Variants in DECR1 observed in about 807,000 individuals in gnomAD.
The protein encoded by DECR1 is 2,4-dienoyl-CoA reductase 1, also known as 2,4-dienoyl-CoA reductase [(3E)-enoyl-CoA-producing], mitochondrial.
In DECR1, 44 loss-of-function variants were observed where a neutral mutation model predicts 38.8. The observed-to-expected ratio is 1.13, with a 90% CI of 0.89 to 1.46. The LOEUF is 1.46. DECR1 is among the 40% of genes most tolerant of loss of function. The probability of loss-of-function intolerance (pLI) is 0.00; values close to 1 mark genes in which losing one functional copy is unlikely to be tolerated. For synonymous variants in DECR1, 148 were observed against 135.2 expected (o/e 1.09, Z -0.66); for missense variants, 428 against 405.5 (o/e 1.06, Z -0.48).
intron 8 of DECR1, among the ~76,000 whole-genome samples, chr8:90,047,454 T>C (rs1813941154): frequency 6.6e-6 from 1 of 152,048 alleles, no homozygotes. Flanking sequence ...TACATATTGG[T>C]AAAGGGATCA....
At chr8:90,032,600 C>T (rs187561250) in intron 5 of DECR1, among the ~76,000 whole-genome samples, 1 of 152,204 alleles carries the variant, frequency 6.6e-6, no homozygotes, top group Non-Finnish European at 1.5e-5. Flanking sequence ...CCATTCTGCC[C>T]ACATATATTT....
chr8:90,041,531 A>T (rs1813763584), intron 6 of DECR1, among the ~76,000 whole-genome samples: 2 of 152,114 alleles, frequency 1.3e-5, no homozygotes, highest in South Asian at 4.1e-4. Flanking sequence ...TATCTATTGC[A>T]AGGATACAGT....
At position 90,042,585 on chromosome 8, in the gene DECR1, G is replaced by C. The variant is rs1813787881; in HGVS notation, c.666-143G>C. 1.3e-5 allele frequency: 9 copies of C among 685,878 alleles called. No homozygotes were observed. The East Asian group carries it at 2.4e-4, about 18-fold the overall frequency. The allele number at this position is 685,878 out of a possible 1,614,324, so 42.5% of individuals were successfully genotyped here. On this transcript the variant is annotated intron_variant, in intron 6 of 9. Coordinates refer to ENST00000220764, the MANE Select transcript of DECR1 (RefSeq NM_001359.2). ...TCTCTGTGCCTTAGTTACATTATCT[G>C]TAATATAGGGAACAATAATAGTACC...
At chr8:90,047,062 C>T (rs1209297239) in intron 8 of DECR1, among the ~76,000 whole-genome samples, 1 of 152,132 alleles carries the variant, frequency 6.6e-6, no homozygotes, top group African/African-American at 2.4e-5. Context: ...CAACCGGTAC[C>T]AGCCACTGCA....
intron 3 of DECR1, 57 bp downstream of exon 3, chr8:90,019,023 AT>A: frequency 4.4e-6 from 7 of 1,584,468 alleles, no homozygotes; most frequent in Non-Finnish European, 6.1e-6. Flanking sequence ...TGTTCAAATA[AT>A]TTGTTCATGC....
intron 6 of DECR1, among the ~76,000 whole-genome samples, chr8:90,041,237 T>G (rs999230678): frequency 7.9e-5 from 12 of 152,250 alleles, no homozygotes; most frequent in Non-Finnish European, 7.3e-5. Context: ...ATGAGCTTTT[T>G]TTTTCATAGT....
rs760492974 is a variant in DECR1, at chr8:90,045,026, T to A, written c.885+31T>A. On this transcript the variant is annotated intron_variant, in intron 8 of 9. Coordinates refer to ENST00000220764, the MANE Select transcript of DECR1 (RefSeq NM_001359.2). ...CGTTGTTTATTTCTCTTCACTTTTT[T>A]TTCAGGAGTGTGTTTGGGGCAGGGA... The A allele has an allele frequency of 3.1e-6, 5 of 1,613,190 alleles. No homozygotes were observed. In the African/African-American group the frequency reaches 5.3e-5, roughly 17 times the overall value.
rs375581798 is a variant in DECR1, at chr8:90,036,821, G to A, written c.566-20G>A. The A allele has an allele frequency of 2.0e-6, 3 of 1,535,114 alleles. No homozygotes were observed. Among genetic ancestry groups the A allele is most frequent in the South Asian group, 1.1e-5 (1 of 88,704 alleles). ...GATACATCTATATTGCTAATCAACTGTATCCTTTTAAAATTTCAGGAGCAG... is the reference window on the plus strand; with the variant it reads ...GATACATCTATATTGCTAATCAACTATATCCTTTTAAAATTTCAGGAGCAG... On this transcript the variant is annotated intron_variant, in intron 5 of 9. Transcript: ENST00000220764.
In DECR1 at chr8:90,027,576, T is replaced by G. The variant is rs547704569; in HGVS notation, c.565+6520T>G. On this transcript the variant is annotated intron_variant, in intron 5 of 9. Coordinates refer to ENST00000220764, the MANE Select transcript of DECR1 (RefSeq NM_001359.2). The stretch of plus-strand genomic sequence containing the variant: ...TTTTGTTTTCCATTTGCTTGGTAGA[T>G]CTTCCTCCATCCCTTTATTTTGAGC... Among the ~76,000 whole-genome samples the G allele has an allele frequency of 4.9e-3, 746 of 152,290 alleles. 10 individuals carry two copies. The highest frequency in any genetic ancestry group is 0.017 in the Middle Eastern group (5 of 294).
intron 5 of DECR1, among the ~76,000 whole-genome samples, chr8:90,031,773 C>T (rs533812962): frequency 2.0e-5 from 3 of 152,102 alleles, no homozygotes; most frequent in Admixed American, 1.3e-4. Flanking sequence ...ACCAACAGCT[C>T]AGTTGTGTAT....
At chr8:90,011,334 TC>T (rs1242282816) in intron 1 of DECR1, among the ~76,000 whole-genome samples, 4 of 152,226 alleles carry the variant, frequency 2.6e-5, no homozygotes, top group African/African-American at 9.6e-5. Context: ...ATAGATGTGC[TC>T]TAATTCATTG....
chr8:90,049,813 C>T (rs544617919), intron 8 of DECR1, among the ~76,000 whole-genome samples: 40 of 152,096 alleles, frequency 2.6e-4, no homozygotes, highest in South Asian at 4.2e-4. Flanking sequence ...CAGCATGGTA[C>T]GGTACCAAAA....
In DECR1 at chr8:90,052,124, G is replaced by A. The variant is rs1814115145; in HGVS notation, c.*227G>A. 1.0e-5 allele frequency: 5 copies of A among 486,718 alleles called. No individual in the cohort carries two copies. Among genetic ancestry groups the A allele is most frequent in the South Asian group, 2.9e-5 (1 of 34,124 alleles). 30.1% of individuals were successfully genotyped at this position (486,718 alleles called of 1,614,324 possible). On this transcript the variant is annotated 3_prime_UTR_variant, in exon 10 of 10. Coordinates refer to ENST00000220764, the MANE Select transcript of DECR1 (RefSeq NM_001359.2). Reference sequence around the variant, plus strand: ...AAAAAAAGGAGGCATGGGGAGAGTAGGTAAAGGCTCCTCTTTACCTATTGA... The same window carrying A: ...AAAAAAAGGAGGCATGGGGAGAGTAAGTAAAGGCTCCTCTTTACCTATTGA...
At chr8:90,010,098 G>A (rs1460930497) in intron 1 of DECR1, among the ~76,000 whole-genome samples, 3 of 152,200 alleles carry the variant, frequency 2.0e-5, no homozygotes, top group Admixed American at 6.5e-5. Flanking sequence ...CTTACCTTCA[G>A]GTTGCTGTGG....
At chr8:90,010,679 G>A (rs1812862136) in intron 1 of DECR1, among the ~76,000 whole-genome samples, 1 of 152,172 alleles carries the variant, frequency 6.6e-6, no homozygotes, top group South Asian at 2.1e-4. Context: ...TCCAGTTGGA[G>A]TAAATTTGAT....
chr8:90,046,271 G>T (rs889041597), intron 8 of DECR1, among the ~76,000 whole-genome samples: 1 of 152,148 alleles, frequency 6.6e-6, no homozygotes, highest in Non-Finnish European at 1.5e-5. Context: ...GGAACCCATC[G>T]CCAGAAAGCT....
At position 90,020,892 on chromosome 8, in the gene DECR1, C is replaced by A; in HGVS notation, c.418-17C>A. ...CCTCATCTAAAGTTTCTGTAACTTG[C>A]CTTGTTCATTTATTAGATTGTGATA... is the stretch of plus-strand genomic sequence containing the variant. On this transcript the variant is annotated splice_polypyrimidine_tract_variant and intron_variant, in intron 4 of 9. Coordinates refer to ENST00000220764, the MANE Select transcript of DECR1 (RefSeq NM_001359.2). 2.6e-6 allele frequency: 4 copies of A among 1,511,182 alleles called. No individual in the cohort carries two copies. Among genetic ancestry groups the A allele is most frequent in the African/African-American group, 1.4e-5 (1 of 69,934 alleles). The allele number at this position is 1,511,182 out of a possible 1,614,324, so 93.6% of individuals were successfully genotyped here.
intron 1 of DECR1, chr8:90,016,798 A>G (rs530144799): frequency 3.0e-5 from 9 of 301,108 alleles, no homozygotes; most frequent in African/African-American, 4.5e-5. Context: ...AATAACTCAT[A>G]TAATCCTCAC....
chr8:90,044,114 C>G (rs1813828551), intron 7 of DECR1, among the ~76,000 whole-genome samples: 1 of 152,084 alleles, frequency 6.6e-6, no homozygotes, highest in African/African-American at 2.4e-5. Context: ...CTAGCATGCA[C>G]TTTTTAGAAC....
Sources: gnomAD v4.1 joint callset for allele counts (sites outside exome capture counted in the v4.1 genomes callset) on GRCh38, gnomAD v4.1.1 for gene constraint, MANE v1.5 for transcripts, NCBI Gene and HGNC (gene_info 2026-07-23, HGNC 2026-07-21) for gene names.